Variants in DAPK1 observed in about 807,000 individuals in gnomAD.
DAPK1 encodes the protein death-associated protein kinase 1.
A neutral mutation model predicts 144.9 loss-of-function variants in DAPK1; 56 were observed. The observed-to-expected ratio is 0.39, with a 90% CI of 0.31 to 0.48. The LOEUF is 0.48. DAPK1 is among the 20% of genes least tolerant of loss of function. The probability of loss-of-function intolerance (pLI) is 0.95; values close to 1 mark genes in which losing one functional copy is unlikely to be tolerated. For synonymous variants in DAPK1, 690 were observed against 749.0 expected, an observed-to-expected ratio of 0.92 and a Z score of 1.29; for missense variants, 1,454 against 1,875.4, an observed-to-expected ratio of 0.78 and a Z score of 4.15.
At chr9:87,661,136 G>A (rs1417125322) in intron 18 of DAPK1, among the ~76,000 whole-genome samples, 1 of 152,122 alleles carries the variant, frequency 6.6e-6, no homozygotes, top group Non-Finnish European at 1.5e-5. Flanking sequence ...CCACGCCCAG[G>A]CTGATTTCCT....
At position 87,697,100 on chromosome 9, in the gene DAPK1, A is replaced by G; in HGVS notation, c.2507A>G (p.His836Arg). The change falls in exon 22 of 26, where the codon CAT becomes CGT. Residue 836 changes from histidine (H) to arginine (R), a missense_variant. By Grantham distance (29) the His-to-Arg change is conservative. Transcript: ENST00000408954. ...YFAANDPTSIHVVVFSLEEPY... is the reference protein window; with the variant it reads ...YFAANDPTSIRVVVFSLEEPY... ...GCTGCAAATGATCCCACGTCAATCC[A>G]TGTTGTTGTCTTTAGTCTAGAAGAG... 2 of 1,556,490 alleles carry G rather than the reference A, an allele frequency of 1.3e-6. No homozygotes were observed. The highest frequency in any genetic ancestry group is 1.8e-6 in the Non-Finnish European group (2 of 1,127,476).
intron 19 of DAPK1, among the ~76,000 whole-genome samples, chr9:87,677,820 G>C (rs2119319794): frequency 6.6e-6 from 1 of 152,296 alleles, no homozygotes; most frequent in East Asian, 1.9e-4. Context: ...GGAAGACCCA[G>C]GGCTGCTGCG....
chr9:87,598,752 A>C (rs1383922971), intron 2 of DAPK1, among the ~76,000 whole-genome samples: 6 of 152,240 alleles, frequency 3.9e-5, no homozygotes, highest in Non-Finnish European at 7.3e-5. Context: ...TGACTGGATT[A>C]AACAAAAGTT....
rs765948944 is a variant in DAPK1 at position 87,648,766 on chromosome 9, C to T, written c.1330-15C>T. On this transcript the variant is annotated splice_polypyrimidine_tract_variant and intron_variant, in intron 14 of 25. Coordinates refer to ENST00000408954, the MANE Select transcript of DAPK1 (RefSeq NM_004938.4). ...CAGATGTGGCTCTGAATCACCGGCT[C>T]CTTTTCTTCTGCAGTCTGGAGAGAT... 4 of 1,610,810 alleles carry T rather than the reference C, an allele frequency of 2.5e-6. No homozygotes were observed. Among genetic ancestry groups the T allele is most frequent in the Non-Finnish European group, 2.5e-6 (3 of 1,177,034 alleles).
chr9:87,630,952 A>G (rs1829665408), intron 3 of DAPK1, among the ~76,000 whole-genome samples: 1 of 151,714 alleles, frequency 6.6e-6, no homozygotes, highest in East Asian at 1.9e-4. Context: ...TGGTTACTCA[A>G]CCCTCTCATT....
At chr9:87,672,403 G>A (rs1587832625) in intron 19 of DAPK1, among the ~76,000 whole-genome samples, 1 of 152,296 alleles carries the variant, frequency 6.6e-6, no homozygotes, top group African/African-American at 2.4e-5. Flanking sequence ...GACCTGACCT[G>A]GAAATACCTG....
Position 87,707,466 on chromosome 9 carries a change from A to AT in DAPK1, c.*102_*103insT. ...AGATGCTGAGGGTGTTTCTTCCTGCACCCACAGCCAGGGGGATGCCACTCC... is the reference window on the plus strand; with the variant it reads ...AGATGCTGAGGGTGTTTCTTCCTGCATCCCACAGCCAGGGGGATGCCACTCC... On this transcript the variant is annotated 3_prime_UTR_variant, in exon 26 of 26. Transcript: ENST00000408954. This position sits in a 1 kb window ranked among gnomAD's most constrained non-coding sequence, Gnocchi z 4.0. The AT allele has an allele frequency of 1.3e-6, 1 of 771,356 alleles. No homozygotes were observed. 47.8% of individuals were successfully genotyped at this position (771,356 alleles called of 1,614,324 possible).
chr9:87,639,937 C>G, intron 7 of DAPK1, 122 bp downstream of exon 7: 1 of 1,009,036 alleles, frequency 9.9e-7, no homozygotes. Flanking sequence ...CAAACATATT[C>G]ATTTTACACC....
intron 3 of DAPK1, among the ~76,000 whole-genome samples, chr9:87,607,375 A>G (rs1003320136): frequency 6.6e-6 from 1 of 152,182 alleles, no homozygotes; most frequent in Non-Finnish European, 1.5e-5. Flanking sequence ...CTTTTCAGAT[A>G]ATTCCCAGGT....
At position 87,707,384 on chromosome 9, in the gene DAPK1, C is replaced by G. The variant is rs771900778; in HGVS notation, c.*20C>G. ...CGGTGAGGGCAGCCTCTGGCTTGGG[C>G]AGGGTCTGTTTGGACTGCAGAAGCA... is the stretch of plus-strand genomic sequence containing the variant. On this transcript the variant is annotated 3_prime_UTR_variant, in exon 26 of 26. Coordinates refer to ENST00000408954, the MANE Select transcript of DAPK1 (RefSeq NM_004938.4). The surrounding 1 kb of genome is among the most constrained non-coding windows in gnomAD (Gnocchi z 4.0). 6 of 1,557,050 alleles carry G rather than the reference C, an allele frequency of 3.9e-6. No individual in the cohort carries two copies. The Admixed American group carries it at 1.0e-4, about 27-fold the overall frequency.
intron 24 of DAPK1, chr9:87,701,909 C>G (rs1245022723): frequency 1.1e-5 from 5 of 469,268 alleles, no homozygotes; most frequent in Non-Finnish European, 1.8e-5. Context: ...GGGGGTAGTC[C>G]GGTGAGGCCT....
chr9:87,659,980 G>A (rs559338163), intron 18 of DAPK1, among the ~76,000 whole-genome samples: 20 of 152,270 alleles, frequency 1.3e-4, no homozygotes, highest in African/African-American at 3.1e-4. Flanking sequence ...GAATGGGACC[G>A]CGTGGTGACA....
intron 19 of DAPK1, 41 bp from the exon 20 acceptor site, chr9:87,681,363 C>T: frequency 9.3e-7 from 1 of 1,078,036 alleles, no homozygotes; most frequent in Middle Eastern, 2.0e-4. Context: ...TTATTTGCCT[C>T]TTTTTCTGTC....
At chr9:87,518,914 C>A (rs1353745043) in intron 2 of DAPK1, among the ~76,000 whole-genome samples, 2 of 107,892 alleles carry the variant, frequency 1.9e-5, no homozygotes, top group Non-Finnish European at 4.4e-5. Flanking sequence ...TAATATCTTT[C>A]CAGGAAAAAA....
At position 87,527,447 on chromosome 9, in the gene DAPK1, G is replaced by A. The variant is rs73654306; in HGVS notation, c.62+28308G>A. On this transcript the variant is annotated intron_variant, in intron 2 of 25. Coordinates refer to ENST00000408954, the MANE Select transcript of DAPK1 (RefSeq NM_004938.4). ...GTTTCTGCTTCCATTGTTACTCACCGGCCTTACACGGATGACCATGCGCTG... is the reference window on the plus strand; with the variant it reads ...GTTTCTGCTTCCATTGTTACTCACCAGCCTTACACGGATGACCATGCGCTG... 9.3e-3 allele frequency among the ~76,000 whole-genome samples: 1,418 copies of A among 152,188 alleles called. 21 individuals are homozygous for A. The highest frequency in any genetic ancestry group is 0.033 in the African/African-American group (1,352 of 41,520).
chr9:87,624,816 C>A (rs1276081893), intron 3 of DAPK1, among the ~76,000 whole-genome samples: 1 of 152,210 alleles, frequency 6.6e-6, no homozygotes, highest in Non-Finnish European at 1.5e-5. Context: ...ATTCCTAAAT[C>A]ACCTTTATTT....
At chr9:87,560,478 C>T (rs6560005) in intron 2 of DAPK1, among the ~76,000 whole-genome samples, 120,375 of 151,994 alleles carry the variant, frequency 0.79, 48,307 homozygotes, top group African/African-American at 0.91. Flanking sequence ...TTCGTGCCTA[C>T]TAAACACAAA....
intron 3 of DAPK1, chr9:87,633,228 G>T: frequency 1.0e-6 from 1 of 984,268 alleles, no homozygotes; most frequent in Non-Finnish European, 1.2e-6. Context: ...CATATGTAGG[G>T]ATGAAGGAAT....
chr9:87,638,050 A>C lies in DAPK1; in HGVS notation c.392A>C (p.His131Pro). ...KQILNGVYYL[H>P]SLQIAHFDLK... is the part of the protein sequence containing the mutation. ...ATTCTTAATGGTGTTTACTACCTGC[A>C]CTCCCTTCAAATCGCCCACTTTGAT... Residue 131 changes from histidine (H) to proline (P), a missense_variant, in exon 4 of 26, where the codon CAC becomes CCC. Physicochemically the swap from His to Pro is moderately conservative, Grantham distance 77. Transcript: ENST00000408954. 1 of 1,613,326 alleles carries C rather than the reference A, an allele frequency of 6.2e-7. No homozygotes were observed. The highest frequency in any genetic ancestry group is 1.6e-4 in the Middle Eastern group (1 of 6,062).
Sources: gnomAD v4.1 joint callset for allele counts (sites outside exome capture counted in the v4.1 genomes callset) on GRCh38, gnomAD v4.1.1 for gene constraint, Gnocchi (gnomAD v3.1) non-coding constraint, MANE v1.5 for transcripts, NCBI Gene and HGNC (gene_info 2026-07-23, HGNC 2026-07-21) for gene names.